ZNF385D: variants seen among roughly 807,000 people sequenced by gnomAD.
The protein encoded by ZNF385D is zinc finger protein 659.
A neutral mutation model predicts 35.8 loss-of-function variants in ZNF385D; 15 were observed. That is an observed-to-expected ratio of 0.42 (90% CI 0.28 to 0.64). The LOEUF is 0.64. Ranked by LOEUF, ZNF385D falls within the 30% of genes least tolerant of loss-of-function variation. The probability of loss-of-function intolerance (pLI) is 0.23; values close to 1 mark genes in which losing one functional copy is unlikely to be tolerated. For synonymous variants in ZNF385D, 212 were observed against 186.8 expected (o/e 1.13, Z -1.10); for missense variants, 474 against 494.6 (o/e 0.96, Z 0.39).
chr3:22,193,591 GC>G (rs1412514915), intron 2 of ZNF385D, among the ~76,000 whole-genome samples: 1 of 151,934 alleles, frequency 6.6e-6, no homozygotes, highest in Non-Finnish European at 1.5e-5. Flanking sequence ...AAGATTATGT[GC>G]AGTTTTTCTA....
At chr3:21,711,467 C>T (rs967341923) in intron 1 of ZNF385D, among the ~76,000 whole-genome samples, 1 of 152,022 alleles carries the variant, frequency 6.6e-6, no homozygotes, top group Non-Finnish European at 1.5e-5. Context: ...AATGATTCAC[C>T]TCACTCGCTT....
At chr3:22,078,766 A>C (rs1700594494) in intron 3 of ZNF385D, among the ~76,000 whole-genome samples, 1 of 152,226 alleles carries the variant, frequency 6.6e-6, no homozygotes, top group South Asian at 2.1e-4. Context: ...AATTTGAAAA[A>C]GGACTTTGAA....
At chr3:22,234,317 G>A (rs1699056887) in intron 2 of ZNF385D, among the ~76,000 whole-genome samples, 1 of 152,042 alleles carries the variant, frequency 6.6e-6, no homozygotes, top group African/African-American at 2.4e-5. Context: ...GCTTCATCCA[G>A]CAATTCAATA....
intron 3 of ZNF385D, among the ~76,000 whole-genome samples, chr3:21,778,627 AATCAC>A (rs1233379126): frequency 2.0e-5 from 3 of 151,910 alleles, no homozygotes; most frequent in Admixed American, 6.6e-5. Context: ...GAGGCAGAAA[AATCAC>A]ATCACATATC....
chr3:22,348,377 G>A (rs1695754709), intron 2 of ZNF385D, among the ~76,000 whole-genome samples: 2 of 151,200 alleles, frequency 1.3e-5, no homozygotes, highest in African/African-American at 2.4e-5. Context: ...GCTGGGTGCC[G>A]TGGCTCATGC....
At chr3:22,125,266 T>A (rs1012426197) in intron 3 of ZNF385D, among the ~76,000 whole-genome samples, 3 of 152,132 alleles carry the variant, frequency 2.0e-5, no homozygotes, top group Non-Finnish European at 2.9e-5. Context: ...TCTCTTTCAC[T>A]AGTGTATGCA....
At chr3:21,821,319 CAATAGTAG>C (rs1332147431) in intron 3 of ZNF385D, among the ~76,000 whole-genome samples, 3 of 151,980 alleles carry the variant, frequency 2.0e-5, no homozygotes, top group African/African-American at 7.2e-5. Context: ...GTCCTTATCT[CAATAGTAG>C]AAAATATGCG....
At chr3:21,707,925 G>C (rs1040129804) in intron 1 of ZNF385D, among the ~76,000 whole-genome samples, 6 of 152,194 alleles carry the variant, frequency 3.9e-5, no homozygotes, top group African/African-American at 1.4e-4. Flanking sequence ...AAGTCACTTA[G>C]TGGTGATGCG....
intron 1 of ZNF385D, among the ~76,000 whole-genome samples, chr3:21,702,668 C>T (rs2067735067): frequency 1.3e-5 from 2 of 152,174 alleles, no homozygotes; most frequent in African/African-American, 4.8e-5. Flanking sequence ...AATGGAATGC[C>T]TTTAACAGCA....
chr3:21,690,386 C>G (rs915887872), intron 1 of ZNF385D, among the ~76,000 whole-genome samples: 19 of 152,046 alleles, frequency 1.2e-4, no homozygotes, highest in Non-Finnish European at 2.6e-4. Flanking sequence ...ACTATCTGAC[C>G]CTGCAGACCT....
At chr3:21,751,945 C>T (rs985432439), upstream of ZNF385D, among the ~76,000 whole-genome samples, 4 of 151,366 alleles carry the variant, frequency 2.6e-5, no homozygotes, top group African/African-American at 9.7e-5. Context: ...GAAAGGCAAC[C>T]AACATTGTGC....
chr3:21,844,374 CATT>C (rs1379072611), intron 3 of ZNF385D, among the ~76,000 whole-genome samples: 2 of 139,872 alleles, frequency 1.4e-5, no homozygotes, highest in Non-Finnish European at 3.0e-5. Context: ...GCTGATTAGA[CATT>C]ATAGATGGTG....
Position 21,721,668 on chromosome 3 carries a change from C to T in ZNF385D, c.22+29227G>A, listed in dbSNP as rs553159889. Among the ~76,000 whole-genome samples the T allele has an allele frequency of 6.6e-5, 10 of 152,154 alleles. No homozygotes were observed. In the South Asian group the frequency reaches 1.9e-3, roughly 28 times the overall value. On this transcript the variant is annotated intron_variant, in intron 1 of 7. Coordinates refer to ENST00000281523, the MANE Select transcript of ZNF385D (RefSeq NM_024697.3). ...ATTTCAGACTATTTTAAGTTATGCA[C>T]GTGAAATGCTATACTTTATGGAAAA... is the stretch of plus-strand genomic sequence containing the variant.
chr3:21,844,242 T>C (rs1242423244), intron 3 of ZNF385D, among the ~76,000 whole-genome samples: 1 of 151,988 alleles, frequency 6.6e-6, no homozygotes, highest in African/African-American at 2.4e-5. Flanking sequence ...GGGTTTTTGT[T>C]ATTATTTTTT....
chr3:22,327,750 G>A (rs1694745253), intron 2 of ZNF385D, among the ~76,000 whole-genome samples: 1 of 152,194 alleles, frequency 6.6e-6, no homozygotes, highest in African/African-American at 2.4e-5. Flanking sequence ...TAGGCAAGGA[G>A]AAGGGAGCTA....
chr3:21,508,349 A>G (rs1260826043), intron 4 of ZNF385D, among the ~76,000 whole-genome samples: 1 of 152,014 alleles, frequency 6.6e-6, no homozygotes, highest in Non-Finnish European at 1.5e-5. Flanking sequence ...AAATTTAAGG[A>G]CCCTCTAAAT....
intron 3 of ZNF385D, among the ~76,000 whole-genome samples, chr3:22,022,060 TTGAG>T (rs1576168635): frequency 6.6e-6 from 1 of 152,044 alleles, no homozygotes; most frequent in African/African-American, 2.4e-5. Flanking sequence ...CCAGAACTAA[TTGAG>T]TGTGAGTAAA....
At position 21,415,052 on chromosome 3, in the gene ZNF385D, A is replaced by AT. The variant is rs1700542976; in HGVS notation, c.*6161dup. 6.6e-6 allele frequency: 1 copy of AT among 152,142 alleles called. No individual in the cohort carries two copies. The highest frequency in any genetic ancestry group is 2.4e-5 in the African/African-American group (1 of 41,436). The allele number at this position is 152,142 out of a possible 1,614,324, so 9.4% of individuals were successfully genotyped here. A position where few individuals can be genotyped will look rare whatever the true frequency, so the allele number is the denominator to read the frequency against. Reference sequence around the variant, plus strand: ...GGTTGACAAACGTCCAATAAAACCCATATCATTATTTTGGTTAACAAAATT... The same window carrying AT: ...GGTTGACAAACGTCCAATAAAACCCATTATCATTATTTTGGTTAACAAAATT... On this transcript the variant is annotated 3_prime_UTR_variant, in exon 8 of 8. Coordinates refer to ENST00000281523, the MANE Select transcript of ZNF385D (RefSeq NM_024697.3).
At chr3:22,321,073 G>C (rs1024284552) in intron 2 of ZNF385D, among the ~76,000 whole-genome samples, 2 of 148,406 alleles carry the variant, frequency 1.3e-5, no homozygotes, top group African/African-American at 5.0e-5. Context: ...TTCAGAAACT[G>C]TACTGTCATT....
Sources: gnomAD v4.1 joint callset for allele counts (sites outside exome capture counted in the v4.1 genomes callset) on GRCh38, gnomAD v4.1.1 for gene constraint, MANE v1.5 for transcripts, NCBI Gene and HGNC (gene_info 2026-07-23, HGNC 2026-07-21) for gene names.